Variants in ZNF695 observed in about 807,000 individuals in gnomAD.
The protein encoded by ZNF695 is zinc finger protein 695.
In ZNF695, 11 loss-of-function variants were observed where a neutral mutation model predicts 11.2. The ratio of observed to expected loss-of-function variants is 0.98; its 90% CI spans 0.62 to 1.62. The LOEUF is 1.62. ZNF695 is among the 40% of genes most tolerant of loss of function. The pLI, the probability that ZNF695 is intolerant of heterozygous loss-of-function variation, is 0.00. For missense variants in ZNF695, 559 were observed against 590.5 expected (o/e 0.95, Z 0.55); for synonymous variants, 190 against 201.4 (o/e 0.94, Z 0.48).
chr1:247,005,989 G>A (rs972672178), intron 1 of ZNF695, among the ~76,000 whole-genome samples: 1 of 152,144 alleles, frequency 6.6e-6, no homozygotes, highest in Admixed American at 6.5e-5. Context: ...ACTTTGGGAG[G>A]CCGAGGCGGG....
At chr1:246,960,822 A>C (rs1668144989) in intron 5 of ZNF695, among the ~76,000 whole-genome samples, 1 of 152,116 alleles carries the variant, frequency 6.6e-6, no homozygotes, top group Admixed American at 6.6e-5. Context: ...AGTCCCAGCT[A>C]CTTGGGAGTC....
chr1:247,001,813 T>C lies in ZNF695; in HGVS notation c.4-1739A>G, dbSNP rs202221422. Among the ~76,000 whole-genome samples, 21 of 151,928 alleles carry C rather than the reference T, an allele frequency of 1.4e-4. No homozygotes were observed. The East Asian group carries it at 3.5e-3, about 25-fold the overall frequency. On this transcript the variant is annotated intron_variant, in intron 1 of 3. Transcript: ENST00000339986. Reference sequence around the variant, plus strand: ...AAAACTTAACTATTCTAAATATATATGCAACCAACATTGAAGCACCCAGAT... The same window carrying C: ...AAAACTTAACTATTCTAAATATATACGCAACCAACATTGAAGCACCCAGAT...
intron 5 of ZNF695, among the ~76,000 whole-genome samples, chr1:246,957,246 G>A (rs1158084823): frequency 6.6e-6 from 1 of 152,018 alleles, no homozygotes; most frequent in Admixed American, 6.6e-5. Flanking sequence ...AGCTGGGCGT[G>A]GTGGTGCACT....
chr1:246,964,190 A>G (rs906944188), intron 5 of ZNF695, among the ~76,000 whole-genome samples: 1 of 152,134 alleles, frequency 6.6e-6, no homozygotes, highest in Non-Finnish European at 1.5e-5. Flanking sequence ...CCCACAGTTC[A>G]GGGATTTTCA....
intron 1 of ZNF695, among the ~76,000 whole-genome samples, chr1:247,001,910 A>T (rs1669397994): frequency 6.6e-6 from 1 of 152,132 alleles, no homozygotes. Flanking sequence ...AGACTTTAAC[A>T]TTCCACTGAC....
At chr1:246,957,936 C>T (rs1201055594) in intron 5 of ZNF695, among the ~76,000 whole-genome samples, 2 of 152,146 alleles carry the variant, frequency 1.3e-5, no homozygotes, top group East Asian at 3.9e-4. Context: ...TTTATTACTA[C>T]ATGCATCCTA....
At chr1:246,976,658 G>T (rs1015437283) in intron 4 of ZNF695, among the ~76,000 whole-genome samples, 1 of 151,864 alleles carries the variant, frequency 6.6e-6, no homozygotes, top group Non-Finnish European at 1.5e-5. Flanking sequence ...GCCAGGCATG[G>T]TGGCGGGCAC....
At chr1:247,001,033 A>G (rs1669364207) in intron 1 of ZNF695, among the ~76,000 whole-genome samples, 1 of 152,102 alleles carries the variant, frequency 6.6e-6, no homozygotes, top group Non-Finnish European at 1.5e-5. Context: ...TTTCTACCAA[A>G]AACACCACAT....
chr1:246,949,069 A>G (rs1667808364), intron 5 of ZNF695, among the ~76,000 whole-genome samples: 2 of 152,222 alleles, frequency 1.3e-5, no homozygotes, highest in African/African-American at 4.8e-5. Context: ...GGAAACAGCT[A>G]TCACATGCAA....
intron 5 of ZNF695, chr1:246,966,700 G>A (rs758636632): frequency 2.5e-5 from 11 of 446,478 alleles, no homozygotes; most frequent in Middle Eastern, 3.3e-4. Flanking sequence ...GTGAGAGATC[G>A]CTTGACCCTG....
At chr1:247,006,224 CAA>C (rs1459530224) in intron 1 of ZNF695, among the ~76,000 whole-genome samples, 1 of 51,834 alleles carries the variant, frequency 1.9e-5, no homozygotes. Flanking sequence ...GACTCTGTCT[CAA>C]AAAAAAAAGA....
intron 4 of ZNF695, among the ~76,000 whole-genome samples, chr1:246,976,700 A>G (rs1377681236): frequency 2.6e-5 from 4 of 152,066 alleles, no homozygotes; most frequent in Admixed American, 2.6e-4. Context: ...AGGCTGAGGC[A>G]GAAGAATGGC....
chr1:246,976,170 C>T (rs1337419368), intron 4 of ZNF695, among the ~76,000 whole-genome samples: 1 of 152,110 alleles, frequency 6.6e-6, no homozygotes, highest in African/African-American at 2.4e-5. Flanking sequence ...TAAGCTGCAT[C>T]CTCACACATA....
downstream of ZNF695, among the ~76,000 whole-genome samples, chr1:246,983,169 A>G (rs1301775720): frequency 6.8e-6 from 1 of 146,212 alleles, no homozygotes. Flanking sequence ...GCGCCACTAC[A>G]CTCCAGCCTG....
intron 5 of ZNF695, among the ~76,000 whole-genome samples, chr1:246,960,775 A>G (rs1290367326): frequency 6.6e-6 from 1 of 152,132 alleles, no homozygotes; most frequent in Non-Finnish European, 1.5e-5. Context: ...CTCTAGAAAA[A>G]TATAAAAATT....
chr1:246,947,700 T>A (rs1667773817), intron 5 of ZNF695, among the ~76,000 whole-genome samples: 1 of 152,202 alleles, frequency 6.6e-6, no homozygotes, highest in East Asian at 1.9e-4. Context: ...CACGGATGGA[T>A]AATTCTATCC....
chr1:246,974,834 C>G lies in ZNF695; in HGVS notation c.391-7042G>C, dbSNP rs116123491. Among the ~76,000 whole-genome samples, 860 of 152,288 alleles carry G rather than the reference C, an allele frequency of 5.6e-3. 6 individuals are homozygous for G. The highest frequency in any genetic ancestry group is 0.02 in the African/African-American group (828 of 41,554). On this transcript the variant is annotated intron_variant, in intron 4 of 5. Transcript: ENST00000487338. ...AGGCATTTCACTCCTCTCACCACCT[C>G]TCCTGCTGACCCACCGCCACAGTGG... is the stretch of plus-strand genomic sequence containing the variant.
intron 4 of ZNF695, among the ~76,000 whole-genome samples, chr1:246,980,186 A>C (rs1268554730): frequency 6.7e-6 from 1 of 150,018 alleles, no homozygotes; most frequent in Non-Finnish European, 1.5e-5. Flanking sequence ...TTTAAAAAAA[A>C]AAAAAAAAAA....
chr1:246,986,543 T>G lies in ZNF695; in HGVS notation c.*424A>C. 1 of 991,064 alleles carries G rather than the reference T, an allele frequency of 1.0e-6. No homozygotes were observed. The highest frequency in any genetic ancestry group is 1.2e-6 in the Non-Finnish European group (1 of 833,786). The allele number at this position is 991,064 out of a possible 1,614,324, so 61.4% of individuals were successfully genotyped here. The stretch of plus-strand genomic sequence containing the variant: ...ATTCTTGGATGTGTTTTGATGTAAT[T>G]TTTGATTAGACATTTTTTCACATTT... On this transcript the variant is annotated 3_prime_UTR_variant, in exon 4 of 4. Coordinates refer to ENST00000339986, the MANE Select transcript of ZNF695 (RefSeq NM_020394.5).
Sources: allele counts gnomAD v4.1 joint callset (sites outside exome capture counted in the v4.1 genomes callset), GRCh38; gene constraint gnomAD v4.1.1; transcripts MANE v1.5; gene names NCBI Gene and HGNC (gene_info 2026-07-23, HGNC 2026-07-21).